The following PUM1 variants were observed in gnomAD, a reference collection of about 807,000 sequenced individuals.
PUM1 encodes the protein pumilio homolog 1.
A neutral mutation model predicts 131.8 loss-of-function variants in PUM1; 13 were observed. That is an observed-to-expected ratio of 0.10 (90% CI 0.06 to 0.16). The LOEUF is 0.16. Ranked by LOEUF, PUM1 falls within the 10% of genes least tolerant of loss-of-function variation. PUM1 has a pLI of 1.00. For synonymous variants in PUM1, 509 were observed against 556.5 expected (o/e 0.91, Z 1.20); for missense variants, 961 against 1,512.4 (o/e 0.64, Z 6.05).
At chr1:30,942,211 A>T (rs562082342) in intron 18 of PUM1, 88 bp from the exon 19 acceptor site, 1 of 146,934 alleles carries the variant, frequency 6.8e-6, no homozygotes, top group South Asian at 2.2e-4. Context: ...ATATATATAT[A>T]TATATATATA....
intron 2 of PUM1, among the ~76,000 whole-genome samples, chr1:31,037,900 AC>A (rs1179468162): frequency 6.6e-6 from 1 of 151,004 alleles, no homozygotes; most frequent in Non-Finnish European, 1.5e-5. Flanking sequence ...ACACGGTGAA[AC>A]CCCGTCTCTA....
chr1:31,065,222 T>C (rs541477883), intron 1 of PUM1, among the ~76,000 whole-genome samples: 2 of 152,008 alleles, frequency 1.3e-5, no homozygotes, highest in Non-Finnish European at 2.9e-5. Flanking sequence ...TGGCACAGAA[T>C]TACACTTCAT....
rs1639006656 is a variant in PUM1 at position 30,932,642 on chromosome 1, TA to T, written c.*568del. ...AGCAACTCTGAAACCTTTTTCATTATATATATATATATATATATATATATTT... is the reference window on the plus strand; with the variant it reads ...AGCAACTCTGAAACCTTTTTCATTATTATATATATATATATATATATATTT... On this transcript the variant is annotated 3_prime_UTR_variant, in exon 22 of 22. Transcript: ENST00000426105. The T allele has an allele frequency of 1.5e-4, 3 of 20,160 alleles. No individual in the cohort carries two copies. The highest frequency in any genetic ancestry group is 4.5e-3 in the East Asian group (1 of 222). The allele number at this position is 20,160 out of a possible 1,614,324, so 1.2% of individuals were successfully genotyped here. A position where few individuals can be genotyped will look rare whatever the true frequency, so the allele number is the denominator to read the frequency against.
intron 21 of PUM1, among the ~76,000 whole-genome samples, chr1:30,934,943 C>T (rs1482047674): frequency 6.6e-6 from 1 of 152,156 alleles, no homozygotes; most frequent in African/African-American, 2.4e-5. Flanking sequence ...GAAAAGGATA[C>T]CACTTAGTAA....
chr1:31,039,334 T>C (rs548607706), intron 2 of PUM1, among the ~76,000 whole-genome samples: 1 of 151,868 alleles, frequency 6.6e-6, no homozygotes, highest in African/African-American at 2.4e-5. Flanking sequence ...GCCATTCTCC[T>C]GCCTCAGCCT....
In PUM1 at chr1:31,054,093, CAAAAAA is replaced by C. The variant is rs368330168; in HGVS notation, c.363+5105_363+5110del. On this transcript the variant is annotated intron_variant, in intron 2 of 21. Transcript: ENST00000426105. ...TGGACTACAGAGCAAGACTTTATTT[CAAAAAA>C]AAAAAAAAAAAAAAAAAAAAAGGAG... Among the ~76,000 whole-genome samples, 29 of 54,880 alleles carry C rather than the reference CAAAAAA, an allele frequency of 5.3e-4. 1 individual carries two copies. Among genetic ancestry groups the C allele is most frequent in the South Asian group, 7.3e-4 (1 of 1,362 alleles). The allele number at this position is 54,880 out of a possible 152,430, so 36.0% of individuals were successfully genotyped here.
At chr1:30,948,353 AT>A (rs1639768582) in intron 17 of PUM1, among the ~76,000 whole-genome samples, 1 of 152,200 alleles carries the variant, frequency 6.6e-6, no homozygotes, top group South Asian at 2.1e-4. Flanking sequence ...AAAATGGCAA[AT>A]TTGCATCTAG....
chr1:30,966,339 A>AT lies in PUM1; in HGVS notation c.1790-62dup, dbSNP rs574714260. On this transcript the variant is annotated intron_variant, in intron 12 of 21. Transcript: ENST00000426105. The stretch of plus-strand genomic sequence containing the variant: ...GGGACTGGCCACATTTCCAAACTAC[A>AT]TTTTTATCTTTTTTCAAAAAATCTT... The AT allele has an allele frequency of 1.5e-5, 22 of 1,483,508 alleles. No homozygotes were observed. In the East Asian group the frequency reaches 2.5e-4, roughly 17 times the overall value. 91.9% of individuals were successfully genotyped at this position (1,483,508 alleles called of 1,614,324 possible).
In PUM1 at chr1:31,032,277, C is replaced by A. The variant is rs148153270; in HGVS notation, c.364-3413G>T. On this transcript the variant is annotated intron_variant, in intron 2 of 21. Transcript: ENST00000426105. ...TTCTTCCTAGGAAACAAAACTAATA[C>A]TCAGAAAAAGATGCTCAAGAATCAA... 8.4e-3 allele frequency among the ~76,000 whole-genome samples: 1,282 copies of A among 152,242 alleles called. 11 individuals are homozygous for A. The highest frequency in any genetic ancestry group is 0.029 in the African/African-American group (1,189 of 41,532).
chr1:31,020,880 T>C (rs960583216), intron 3 of PUM1, among the ~76,000 whole-genome samples: 3 of 152,174 alleles, frequency 2.0e-5, no homozygotes, highest in African/African-American at 7.2e-5. Context: ...ATACAATGGA[T>C]TTGCTTTGAT....
intron 2 of PUM1, among the ~76,000 whole-genome samples, chr1:31,048,513 C>T (rs551494324): frequency 1.1e-4 from 16 of 149,660 alleles, no homozygotes; most frequent in Non-Finnish European, 1.6e-4. Context: ...CTCGCTCTGT[C>T]GCCCAGGCTG....
At chr1:31,006,274 G>T (rs1642399149) in intron 4 of PUM1, among the ~76,000 whole-genome samples, 1 of 152,158 alleles carries the variant, frequency 6.6e-6, no homozygotes, top group Non-Finnish European at 1.5e-5. Flanking sequence ...TTAACTAGCT[G>T]AGTGGATAAA....
At chr1:31,055,377 C>T (rs1286715117) in intron 2 of PUM1, 1 of 456,230 alleles carries the variant, frequency 2.2e-6, no homozygotes, top group Admixed American at 2.3e-5. Context: ...TTTCATAATA[C>T]CTCCTGGAAA....
At chr1:31,026,256 T>A (rs1315726607) in intron 3 of PUM1, among the ~76,000 whole-genome samples, 1 of 150,460 alleles carries the variant, frequency 6.6e-6, no homozygotes, top group Non-Finnish European at 1.5e-5. Context: ...ACTCAGTCTC[T>A]TAAAAAAAAA....
At chr1:31,038,984 A>ATATATATATATATATATTTTTT in intron 2 of PUM1, among the ~76,000 whole-genome samples, 1 of 49,412 alleles carries the variant, frequency 2.0e-5, no homozygotes, top group African/African-American at 2.1e-4. Flanking sequence ...ATATATATAT[A>ATATATATATATATATATTTTTT]TTTTTTTTTT....
At chr1:31,047,777 A>C (rs1301337566) in intron 2 of PUM1, among the ~76,000 whole-genome samples, 1 of 152,202 alleles carries the variant, frequency 6.6e-6, no homozygotes, top group Non-Finnish European at 1.5e-5. Flanking sequence ...CCCCATCTCT[A>C]CTAAAAGTAC....
intron 3 of PUM1, among the ~76,000 whole-genome samples, chr1:31,018,399 C>T (rs1196441814): frequency 2.0e-5 from 3 of 150,874 alleles, no homozygotes; most frequent in Admixed American, 6.6e-5. Context: ...TGGTGGCTCA[C>T]GCCTCTAATC....
At chr1:31,029,596 C>T (rs1170587604) in intron 2 of PUM1, among the ~76,000 whole-genome samples, 1 of 152,150 alleles carries the variant, frequency 6.6e-6, no homozygotes, top group Non-Finnish European at 1.5e-5. Flanking sequence ...TATAATTCAA[C>T]TAGTTTACTG....
intron 1 of PUM1, among the ~76,000 whole-genome samples, chr1:31,064,689 A>G (rs1557613964): frequency 7.1e-6 from 1 of 141,830 alleles, no homozygotes; most frequent in Non-Finnish European, 1.5e-5. Flanking sequence ...AATAAAAGGT[A>G]ACAATCTAAG....
Sources: gnomAD v4.1 joint callset for allele counts (sites outside exome capture counted in the v4.1 genomes callset) on GRCh38, gnomAD v4.1.1 for gene constraint, MANE v1.5 for transcripts, NCBI Gene and HGNC (gene_info 2026-07-23, HGNC 2026-07-21) for gene names.